Variants in CSMD1 observed in about 807,000 individuals in gnomAD.
The protein encoded by CSMD1 is CUB and sushi domain-containing protein 1.
CSMD1 carries 213 observed loss-of-function variants against 417.5 expected under a neutral mutation model. The observed-to-expected ratio is 0.51, with a 90% CI of 0.46 to 0.57. The LOEUF (loss-of-function observed/expected upper bound fraction) is 0.57, where lower values mean the gene tolerates loss of function less well. CSMD1 is among the 20% of genes least tolerant of loss of function. The probability of loss-of-function intolerance (pLI) is 0.00; values close to 1 mark genes in which losing one functional copy is unlikely to be tolerated. For missense variants in CSMD1, 6,923 were observed against 4,529.7 expected, an observed-to-expected ratio of 1.53 and a Z score of -15.17; for synonymous variants, 2,862 against 1,736.8, an observed-to-expected ratio of 1.65 and a Z score of -16.11.
rs574357498 is a variant in CSMD1 at position 3,252,488 on chromosome 8, T to A, written c.4154-22257A>T. Reference sequence around the variant, plus strand: ...CCAGTATTTTATTGAGGATTTTTGCTTTGATGTTCATCAGGGATATTGGTC... The same window carrying A: ...CCAGTATTTTATTGAGGATTTTTGCATTGATGTTCATCAGGGATATTGGTC... On this transcript the variant is annotated intron_variant, in intron 26 of 69. Transcript: ENST00000635120. Among the ~76,000 whole-genome samples, 244 of 152,286 alleles carry A rather than the reference T, an allele frequency of 1.6e-3. 1 individual carries two copies. Among genetic ancestry groups the A allele is most frequent in the African/African-American group, 5.2e-3 (216 of 41,590 alleles).
At position 3,130,271 on chromosome 8, in the gene CSMD1, T is replaced by C. The variant is rs556041797; in HGVS notation, c.6242-11684A>G. On this transcript the variant is annotated intron_variant, in intron 41 of 69. Coordinates refer to ENST00000635120, the MANE Select transcript of CSMD1 (RefSeq NM_033225.6). ...AGGAATGGGGCAAGGGAGGGGACAGTTGAGCAGGAAGATGGGAGAGAAGCA... is the reference window on the plus strand; with the variant it reads ...AGGAATGGGGCAAGGGAGGGGACAGCTGAGCAGGAAGATGGGAGAGAAGCA... Among the ~76,000 whole-genome samples the C allele has an allele frequency of 3.9e-5, 6 of 152,236 alleles. No individual in the cohort carries two copies. In the South Asian group the frequency reaches 6.2e-4, roughly 16 times the overall value.
intron 3 of CSMD1, among the ~76,000 whole-genome samples, chr8:4,205,082 C>T (rs1253445781): frequency 6.6e-6 from 1 of 152,134 alleles, no homozygotes; most frequent in African/African-American, 2.4e-5. Context: ...TTACTGTAAA[C>T]ATCAAATGCT....
chr8:3,684,680 C>G (rs1179578445), intron 7 of CSMD1, among the ~76,000 whole-genome samples: 1 of 151,130 alleles, frequency 6.6e-6, no homozygotes, highest in Non-Finnish European at 1.5e-5. Flanking sequence ...TCACTGCTAG[C>G]TCCGCCTCGC....
chr8:3,054,873 C>CT (rs1812112461), intron 49 of CSMD1, among the ~76,000 whole-genome samples: 1 of 152,170 alleles, frequency 6.6e-6, no homozygotes, highest in South Asian at 2.1e-4. Flanking sequence ...TGTGGGAAGA[C>CT]TGTTGGCATG....
chr8:4,218,813 T>A (rs1411964388), intron 3 of CSMD1, among the ~76,000 whole-genome samples: 2 of 152,200 alleles, frequency 1.3e-5, no homozygotes, highest in Admixed American at 6.5e-5. Flanking sequence ...TTTCTCAGTG[T>A]CAATCCTTTT....
intron 2 of CSMD1, among the ~76,000 whole-genome samples, chr8:4,596,325 G>C (rs1206789636): frequency 1.3e-5 from 2 of 152,058 alleles, no homozygotes; most frequent in African/African-American, 4.8e-5. Context: ...ATTTAGAGAA[G>C]GTTCAAAAAC....
intron 1 of CSMD1, among the ~76,000 whole-genome samples, chr8:4,878,373 A>G (rs1326854512): frequency 6.6e-6 from 1 of 152,120 alleles, no homozygotes; most frequent in Non-Finnish European, 1.5e-5. Context: ...TGGAAGCCTA[A>G]ACTATACCAT....
chr8:3,384,771 ATATTTATATAATATATATTAATATATGC>A (rs1810881497), intron 18 of CSMD1, among the ~76,000 whole-genome samples: 2 of 125,402 alleles, frequency 1.6e-5, no homozygotes, highest in Non-Finnish European at 3.2e-5. Context: ...ATATAAATAT[ATATTTATATAATATATATTAATATATGC>A]TATTTATATA....
At chr8:4,317,598 G>T (rs1049398971) in intron 3 of CSMD1, among the ~76,000 whole-genome samples, 4 of 73,452 alleles carry the variant, frequency 5.4e-5, no homozygotes, top group Non-Finnish European at 1.1e-4. Flanking sequence ...AGAGAGAGGA[G>T]AGAGGGGAGA....
At chr8:3,967,129 T>G (rs768048494) in intron 5 of CSMD1, among the ~76,000 whole-genome samples, 11 of 151,690 alleles carry the variant, frequency 7.3e-5, no homozygotes, top group Admixed American at 5.9e-4. Context: ...GGACTAATTT[T>G]GTCTATTTGC....
rs141601685 is a variant in CSMD1 at position 4,909,666 on chromosome 8, C to CA, written c.85+84665dup. Among the ~76,000 whole-genome samples the CA allele has an allele frequency of 3.0e-3, 464 of 152,252 alleles. 1 individual carries two copies. Among genetic ancestry groups the CA allele is most frequent in the African/African-American group, 0.011 (443 of 41,532 alleles). ...TGAGTGTAGGGGCCTCCTAAGACTG[C>CA]ACACCCCCGGATTTTCTCCTTCTCA... On this transcript the variant is annotated intron_variant, in intron 1 of 69. Coordinates refer to ENST00000635120, the MANE Select transcript of CSMD1 (RefSeq NM_033225.6).
intron 2 of CSMD1, among the ~76,000 whole-genome samples, chr8:4,431,365 T>A (rs1405690768): frequency 6.6e-6 from 1 of 152,138 alleles, no homozygotes; most frequent in Non-Finnish European, 1.5e-5. Flanking sequence ...AACCAATAGT[T>A]GGGAGGAATT....
At chr8:4,528,668 G>C (rs1796640626) in intron 2 of CSMD1, among the ~76,000 whole-genome samples, 1 of 152,134 alleles carries the variant, frequency 6.6e-6, no homozygotes, top group African/African-American at 2.4e-5. Context: ...GTTTCATGGT[G>C]TACACCCCAC....
At chr8:3,003,709 T>C (rs1018284768) in intron 52 of CSMD1, among the ~76,000 whole-genome samples, 2 of 152,024 alleles carry the variant, frequency 1.3e-5, no homozygotes, top group African/African-American at 4.8e-5. Flanking sequence ...CCTGAGGGTG[T>C]GCGGACCTAG....
intron 12 of CSMD1, 145 bp downstream of exon 12, chr8:3,468,567 G>A: frequency 3.5e-6 from 2 of 576,372 alleles, no homozygotes. Context: ...AGTGTTAGTA[G>A]ACTTTAAGGA....
At chr8:4,226,681 C>G (rs1161940431) in intron 3 of CSMD1, among the ~76,000 whole-genome samples, 3 of 151,804 alleles carry the variant, frequency 2.0e-5, no homozygotes, top group Admixed American at 6.6e-5. Flanking sequence ...AAATGTATTC[C>G]TTTAAAAATT....
At chr8:4,102,595 G>A (rs1801361880) in intron 3 of CSMD1, among the ~76,000 whole-genome samples, 1 of 152,132 alleles carries the variant, frequency 6.6e-6, no homozygotes, top group South Asian at 2.1e-4. Flanking sequence ...TCAATCTAAT[G>A]TAACTCATGT....
At chr8:3,596,567 A>G (rs1801104351) in intron 8 of CSMD1, among the ~76,000 whole-genome samples, 2 of 152,284 alleles carry the variant, frequency 1.3e-5, no homozygotes, top group Admixed American at 6.5e-5. Flanking sequence ...AAACAATCCT[A>G]AATACACAGA....
chr8:3,282,118 G>C (rs1467555484), intron 26 of CSMD1, among the ~76,000 whole-genome samples: 4 of 152,090 alleles, frequency 2.6e-5, no homozygotes, highest in Non-Finnish European at 5.9e-5. Context: ...AAATTACCCA[G>C]TCTCAGATAG....
Sources: allele counts gnomAD v4.1 joint callset (sites outside exome capture counted in the v4.1 genomes callset), GRCh38; gene constraint gnomAD v4.1.1; transcripts MANE v1.5; gene names NCBI Gene and HGNC (gene_info 2026-07-23, HGNC 2026-07-21).